Variants in BORA observed in about 807,000 individuals in gnomAD.
BORA encodes protein aurora borealis.
A neutral mutation model predicts 55.8 loss-of-function variants in BORA; 26 were observed. That is an observed-to-expected ratio of 0.47 (90% CI 0.34 to 0.65). The LOEUF (loss-of-function observed/expected upper bound fraction) is 0.65. Ranked by LOEUF, BORA falls within the 30% of genes least tolerant of loss-of-function variation. The pLI is 0.01. For missense variants in BORA, 568 were observed against 671.5 expected (o/e 0.85, Z 1.70); for synonymous variants, 201 against 216.9 (o/e 0.93, Z 0.64).
Position 72,755,686 on chromosome 13 carries a change from A to G in BORA, c.*470A>G, listed in dbSNP as rs1159813505. 1 of 394,468 alleles carries G rather than the reference A, an allele frequency of 2.5e-6. No homozygotes were observed. The highest frequency in any genetic ancestry group is 2.1e-5 in the African/African-American group (1 of 48,656). The allele number at this position is 394,468 out of a possible 1,614,324, so 24.4% of individuals were successfully genotyped here. On this transcript the variant is annotated 3_prime_UTR_variant, in exon 12 of 12. Transcript: ENST00000390667. ...TATAAAACTAACTTTTCAAAGATACAAAAGAAATTAAACAGGTTTCCTGAA... is the reference window on the plus strand; with the variant it reads ...TATAAAACTAACTTTTCAAAGATACGAAAGAAATTAAACAGGTTTCCTGAA...
rs150736186 is a variant in BORA, at chr13:72,735,511, A to G, written c.306+506A>G. Among the ~76,000 whole-genome samples the G allele has an allele frequency of 3.4e-3, 521 of 152,308 alleles. 1 individual carries two copies. Among genetic ancestry groups the G allele is most frequent in the African/African-American group, 0.012 (489 of 41,552 alleles). On this transcript the variant is annotated intron_variant, in intron 4 of 11. Coordinates refer to ENST00000390667, the MANE Select transcript of BORA (RefSeq NM_024808.5). ...TACTGTTAAACAGGAAAGGTATATC[A>G]TAATGTAGGCTTTCTAAAAAATAAA...
intron 1 of BORA, 65 bp from the exon 2 acceptor site, chr13:72,728,861 A>T: frequency 7.3e-7 from 1 of 1,369,780 alleles, no homozygotes. Flanking sequence ...GTACATTTTA[A>T]TAGTTAAAAT....
At chr13:72,735,088 A>G (rs1284457458) in intron 4 of BORA, 83 bp downstream of exon 4, 3 of 1,118,624 alleles carry the variant, frequency 2.7e-6, no homozygotes, top group Non-Finnish European at 4.0e-6. Context: ...GACTTTCTTC[A>G]ATTCCTTCAC....
In BORA at chr13:72,744,574, T is replaced by G; in HGVS notation, c.511+13T>G. On this transcript the variant is annotated intron_variant, in intron 7 of 11. Coordinates refer to ENST00000390667, the MANE Select transcript of BORA (RefSeq NM_024808.5). Reference sequence around the variant, plus strand: ...GAAAATATATTAGGTAAATACTGTATTTGTTTAAACTTTTAATAACTTGAA... The same window carrying G: ...GAAAATATATTAGGTAAATACTGTAGTTGTTTAAACTTTTAATAACTTGAA... 6.3e-7 allele frequency: 1 copy of G among 1,578,098 alleles called. No individual in the cohort carries two copies. The highest frequency in any genetic ancestry group is 8.7e-7 in the Non-Finnish European group (1 of 1,151,982).
chr13:72,736,454 A>G (rs1001417186), intron 4 of BORA, among the ~76,000 whole-genome samples: 2 of 152,158 alleles, frequency 1.3e-5, no homozygotes, highest in Non-Finnish European at 2.9e-5. Context: ...ATTTTCGACA[A>G]ATAGGATTAT....
At chr13:72,742,166 T>C (rs992623613) in intron 5 of BORA, among the ~76,000 whole-genome samples, 9 of 151,714 alleles carry the variant, frequency 5.9e-5, no homozygotes, top group African/African-American at 9.7e-5. Flanking sequence ...AGCAACCCAC[T>C]TACCCATTTT....
At chr13:72,728,900 C>T in intron 1 of BORA, 26 bp from the exon 2 acceptor site, 1 of 1,531,780 alleles carries the variant, frequency 6.5e-7, no homozygotes, top group Non-Finnish European at 8.7e-7. Flanking sequence ...GTAATTTTAA[C>T]ATGCATACTC....
chr13:72,732,789 T>A (rs2032846383), intron 3 of BORA, among the ~76,000 whole-genome samples: 1 of 152,226 alleles, frequency 6.6e-6, no homozygotes, highest in Non-Finnish European at 1.5e-5. Context: ...TCACACGAAC[T>A]TAATTATGCT....
chr13:72,755,194 C>T lies in BORA; in HGVS notation c.1658C>T (p.Pro553Leu), dbSNP rs761103324. 79 of 1,613,390 alleles carry T rather than the reference C, an allele frequency of 4.9e-5. No individual in the cohort carries two copies. The highest frequency in any genetic ancestry group is 6.7e-5 in the Non-Finnish European group (79 of 1,179,674). Residue 553 changes from proline (P) to leucine (L), a missense_variant, in exon 12 of 12, where the codon CCT (proline) becomes CTT (leucine). Coordinates refer to ENST00000390667, the MANE Select transcript of BORA (RefSeq NM_024808.5). ...TQRCWMKTAS[P>L]FQCSSP ...AGGTGTTGGATGAAAACAGCAAGCC[C>T]TTTTCAATGCAGCAGTCCATAGAAT...
rs138757213 is a variant in BORA at position 72,755,351 on chromosome 13, A to C, written c.*135A>C. 8.3e-3 allele frequency: 5,519 copies of C among 665,164 alleles called. 192 individuals are homozygous for C. Among genetic ancestry groups the C allele is most frequent in the East Asian group, 0.02 (695 of 35,060 alleles). The allele number at this position is 665,164 out of a possible 1,614,324, so 41.2% of individuals were successfully genotyped here. On this transcript the variant is annotated 3_prime_UTR_variant, in exon 12 of 12. Transcript: ENST00000390667. Reference sequence around the variant, plus strand: ...TAGCTTTCCCTCCTTAATGTGAAAAATCAAGGGCTTACTGACATAGGAACA... The same window carrying C: ...TAGCTTTCCCTCCTTAATGTGAAAACTCAAGGGCTTACTGACATAGGAACA...
chr13:72,746,086 A>T lies in BORA; in HGVS notation c.871+10A>T. The T allele has an allele frequency of 3.8e-6, 6 of 1,595,932 alleles. No homozygotes were observed. The highest frequency in any genetic ancestry group is 5.1e-6 in the Non-Finnish European group (6 of 1,167,426). Reference sequence around the variant, plus strand: ...GAGACTCCACTCTCAGGTATGTCTCATAATAAAATACCTAGTTAAAAGTTT... The same window carrying T: ...GAGACTCCACTCTCAGGTATGTCTCTTAATAAAATACCTAGTTAAAAGTTT... On this transcript the variant is annotated intron_variant, in intron 9 of 11. Coordinates refer to ENST00000390667, the MANE Select transcript of BORA (RefSeq NM_024808.5).
chr13:72,743,315 G>C (rs925786425), intron 5 of BORA, among the ~76,000 whole-genome samples: 1 of 151,996 alleles, frequency 6.6e-6, no homozygotes, highest in Admixed American at 6.6e-5. Context: ...ATATTGCTTG[G>C]TGACTCCTTA....
intron 7 of BORA, 119 bp from the exon 8 acceptor site, chr13:72,744,862 C>T: frequency 1.1e-6 from 1 of 887,702 alleles, no homozygotes; most frequent in Non-Finnish European, 1.7e-6. Context: ...TAAACTTTGC[C>T]CTCTTTTTGG....
At chr13:72,745,312 C>G (rs2033118993) in intron 8 of BORA, 105 bp downstream of exon 8, 4 of 912,592 alleles carry the variant, frequency 4.4e-6, no homozygotes, top group Non-Finnish European at 6.6e-6. Context: ...GCCATGGTTG[C>G]TTTCTGTCTC....
chr13:72,742,876 T>A (rs1273997421), intron 5 of BORA, among the ~76,000 whole-genome samples: 1 of 151,932 alleles, frequency 6.6e-6, no homozygotes, highest in East Asian at 1.9e-4. Flanking sequence ...CATATATGAA[T>A]CTAGAGGACA....
chr13:72,751,061 G>A (rs891596526), intron 10 of BORA, among the ~76,000 whole-genome samples: 2 of 152,126 alleles, frequency 1.3e-5, no homozygotes, highest in Non-Finnish European at 2.9e-5. Flanking sequence ...GTTTCTTTCA[G>A]CTTGTTTCCT....
rs1389356771 is a variant in BORA, at chr13:72,728,235, ACT to A, written c.-16+231_-16+232del. The A allele has an allele frequency of 5.6e-6, 4 of 713,068 alleles. No homozygotes were observed. The Admixed American group carries it at 8.0e-5, about 14-fold the overall frequency. 44.2% of individuals were successfully genotyped at this position (713,068 alleles called of 1,614,324 possible). ...CTGCATCTCAACCTTCCAGAAGTAG[ACT>A]CTTTTCCACCCCACCCCGCCAAGGT... On this transcript the variant is annotated intron_variant, in intron 1 of 11. Coordinates refer to ENST00000390667, the MANE Select transcript of BORA (RefSeq NM_024808.5).
chr13:72,727,931 T>C lies in BORA; in HGVS notation c.-92T>C. 7 of 1,550,656 alleles carry C rather than the reference T, an allele frequency of 4.5e-6. No homozygotes were observed. The highest frequency in any genetic ancestry group is 2.4e-5 in the East Asian group (1 of 40,914). On this transcript the variant is annotated 5_prime_UTR_variant, in exon 1 of 12. Transcript: ENST00000390667. ...CGCGGAAGCGGGGAGTTAAAGAGTCTATGCCTGTCGTGGAAGCTGGCCTGG... is the reference window on the plus strand; with the variant it reads ...CGCGGAAGCGGGGAGTTAAAGAGTCCATGCCTGTCGTGGAAGCTGGCCTGG...
At chr13:72,741,290 G>A (rs188001155) in intron 5 of BORA, among the ~76,000 whole-genome samples, 1 of 152,302 alleles carries the variant, frequency 6.6e-6, no homozygotes, top group East Asian at 1.9e-4. Context: ...CAGCATCCCT[G>A]CCTGCCCTTG....
Sources: gnomAD v4.1 joint callset for allele counts (sites outside exome capture counted in the v4.1 genomes callset) on GRCh38, gnomAD v4.1.1 for gene constraint, MANE v1.5 for transcripts, NCBI Gene and HGNC (gene_info 2026-07-23, HGNC 2026-07-21) for gene names.